The following CERT1 variants were observed in gnomAD, a reference collection of about 807,000 sequenced individuals.
CERT1 encodes the protein ceramide transfer protein.
Under a neutral mutation model 87.9 loss-of-function variants are expected in CERT1, and 31 were observed. The ratio of observed to expected loss-of-function variants is 0.35; its 90% CI spans 0.27 to 0.48. CERT1 has a LOEUF of 0.48. CERT1 is among the 20% of genes least tolerant of loss of function. The pLI, the probability that CERT1 is intolerant of heterozygous loss-of-function variation, is 0.99. For missense variants in CERT1, 487 were observed against 758.0 expected (o/e 0.64, Z 4.20); for synonymous variants, 289 against 250.9 (o/e 1.15, Z -1.44).
At chr5:75,384,286 T>A (rs1761700404) in intron 14 of CERT1, among the ~76,000 whole-genome samples, 1 of 152,156 alleles carries the variant, frequency 6.6e-6, no homozygotes, top group South Asian at 2.1e-4. Flanking sequence ...GTAGTTCCAA[T>A]TACTTGAGAG....
intron 3 of CERT1, among the ~76,000 whole-genome samples, chr5:75,435,139 T>C (rs1336984905): frequency 6.6e-6 from 1 of 152,246 alleles, no homozygotes; most frequent in African/African-American, 2.4e-5. Flanking sequence ...TTTAAAATTC[T>C]ATCTCTTTTA....
intron 2 of CERT1, among the ~76,000 whole-genome samples, chr5:75,486,847 G>A (rs370767151): frequency 2.6e-5 from 4 of 151,908 alleles, no homozygotes; most frequent in Admixed American, 6.6e-5. Flanking sequence ...ACAAAACAAC[G>A]GAAAGATATC....
intron 8 of CERT1, among the ~76,000 whole-genome samples, chr5:75,403,995 A>G (rs1045198930): frequency 1.3e-5 from 2 of 152,246 alleles, no homozygotes; most frequent in African/African-American, 4.8e-5. Context: ...TATTATGATA[A>G]AAGTAGAGAC....
intron 2 of CERT1, among the ~76,000 whole-genome samples, chr5:75,474,940 T>G (rs1765893741): frequency 1.3e-5 from 2 of 151,600 alleles, no homozygotes; most frequent in Admixed American, 1.3e-4. Context: ...ATAGACTACA[T>G]GAGATTATCA....
At position 75,382,126 on chromosome 5, in the gene CERT1, A is replaced by G. The variant is rs752882026; in HGVS notation, c.1489-49T>C. 19 of 1,561,046 alleles carry G rather than the reference A, an allele frequency of 1.2e-5. No individual in the cohort carries two copies. In the Admixed American group the frequency reaches 3.0e-4, roughly 25 times the overall value. On this transcript the variant is annotated intron_variant, in intron 14 of 16. Coordinates refer to ENST00000643780, the MANE Select transcript of CERT1 (RefSeq NM_001379029.1). Reference sequence around the variant, plus strand: ...GAAAAACAGATCTAACATGGAACTAACAAGAGAAACGTAATGCCAATAAAT... The same window carrying G: ...GAAAAACAGATCTAACATGGAACTAGCAAGAGAAACGTAATGCCAATAAAT...
chr5:75,511,013 C>G, intron 1 of CERT1, 99 bp downstream of exon 1: 2 of 1,406,718 alleles, frequency 1.4e-6, no homozygotes, highest in Admixed American at 3.0e-5. Flanking sequence ...CACCCCGGCA[C>G]GTTCCGCGCC....
At chr5:75,476,005 T>C (rs900322962) in intron 2 of CERT1, among the ~76,000 whole-genome samples, 2 of 152,230 alleles carry the variant, frequency 1.3e-5, no homozygotes, top group Non-Finnish European at 1.5e-5. Flanking sequence ...ATGTCAGTTA[T>C]ATGCTTTAAA....
intron 14 of CERT1, among the ~76,000 whole-genome samples, chr5:75,384,066 AG>A (rs1237495830): frequency 6.6e-6 from 1 of 152,210 alleles, no homozygotes; most frequent in African/African-American, 2.4e-5. Context: ...TATATCTATT[AG>A]TCTTAACATA....
At chr5:75,450,094 A>C (rs1284511798) in intron 3 of CERT1, among the ~76,000 whole-genome samples, 2 of 152,160 alleles carry the variant, frequency 1.3e-5, no homozygotes, top group African/African-American at 4.8e-5. Context: ...CCACCTGAAA[A>C]ATCACTGACC....
intron 2 of CERT1, among the ~76,000 whole-genome samples, chr5:75,470,713 C>T (rs556493342): frequency 6.6e-6 from 1 of 152,178 alleles, no homozygotes; most frequent in Non-Finnish European, 1.5e-5. Context: ...ACAAGAATAC[C>T]GACTCTTGCA....
chr5:75,463,319 A>G (rs1765317756), intron 2 of CERT1, among the ~76,000 whole-genome samples: 1 of 152,196 alleles, frequency 6.6e-6, no homozygotes, highest in African/African-American at 2.4e-5. Flanking sequence ...ATTTTTGTCC[A>G]TTAGAATTTT....
intron 8 of CERT1, among the ~76,000 whole-genome samples, chr5:75,408,076 T>A (rs190639114): frequency 2.2e-4 from 33 of 152,220 alleles, no homozygotes; most frequent in African/African-American, 7.0e-4. Flanking sequence ...ATGAAGGAAT[T>A]CTTAATAGGA....
intron 1 of CERT1, among the ~76,000 whole-genome samples, chr5:75,510,320 T>C (rs935867837): frequency 1.3e-4 from 20 of 152,146 alleles, no homozygotes; most frequent in African/African-American, 4.6e-4. Flanking sequence ...CTATGTAATA[T>C]CAAGAGATCA....
At chr5:75,427,286 G>T (rs1400845463) in intron 3 of CERT1, among the ~76,000 whole-genome samples, 1 of 152,168 alleles carries the variant, frequency 6.6e-6, no homozygotes, top group East Asian at 1.9e-4. Flanking sequence ...ATTTTCTACT[G>T]TTACTTTTTA....
intron 9 of CERT1, chr5:75,402,693 G>A (rs1441860866): frequency 1.9e-5 from 4 of 215,800 alleles, no homozygotes; most frequent in Admixed American, 5.3e-5. Flanking sequence ...CCAGCTACTC[G>A]GGAGGCTGAG....
intron 14 of CERT1, among the ~76,000 whole-genome samples, chr5:75,383,546 G>A (rs938910709): frequency 2.0e-5 from 3 of 152,028 alleles, no homozygotes; most frequent in African/African-American, 7.2e-5. Flanking sequence ...TTCAAAATTT[G>A]TATGCTGAAA....
chr5:75,407,660 C>CT (rs1437973417), intron 8 of CERT1, among the ~76,000 whole-genome samples: 1 of 152,002 alleles, frequency 6.6e-6, no homozygotes, highest in African/African-American at 2.4e-5. Context: ...ATGGATGGAG[C>CT]TGGAGGCCAT....
At chr5:75,473,951 AC>A in intron 2 of CERT1, among the ~76,000 whole-genome samples, 1 of 152,232 alleles carries the variant, frequency 6.6e-6, no homozygotes, top group African/African-American at 2.4e-5. Flanking sequence ...GAAGAGAAAG[AC>A]CCTCTCATAT....
chr5:75,411,848 G>C (rs1011951152), intron 7 of CERT1, among the ~76,000 whole-genome samples: 1 of 152,192 alleles, frequency 6.6e-6, no homozygotes, highest in Non-Finnish European at 1.5e-5. Flanking sequence ...AAAGAACTCA[G>C]TAGGTGGGAT....
Sources: gnomAD v4.1 joint callset for allele counts (sites outside exome capture counted in the v4.1 genomes callset) on GRCh38, gnomAD v4.1.1 for gene constraint, MANE v1.5 for transcripts, NCBI Gene and HGNC (gene_info 2026-07-23, HGNC 2026-07-21) for gene names.